PCDHGA7: variants seen among roughly 807,000 people sequenced by gnomAD.
The protein encoded by PCDHGA7 is protocadherin gamma subfamily A, 7.
A neutral mutation model predicts 58.3 loss-of-function variants in PCDHGA7; 44 were observed. That is an observed-to-expected ratio of 0.75 (90% CI 0.59 to 0.97). The LOEUF is 0.97. PCDHGA7 is among the 50% of genes least tolerant of loss of function. The probability of loss-of-function intolerance (pLI) is 0.00; values close to 1 mark genes in which losing one functional copy is unlikely to be tolerated. For missense variants in PCDHGA7, 1,266 were observed against 1,188.7 expected, an observed-to-expected ratio of 1.06 and a Z score of -0.96; for synonymous variants, 516 against 504.2, an observed-to-expected ratio of 1.02 and a Z score of -0.31.
chr5:141,392,791 G>T, intron 1 of PCDHGA7: 1 of 1,557,836 alleles, frequency 6.4e-7, no homozygotes, highest in Non-Finnish European at 8.7e-7. Flanking sequence ...AAGATTCTGA[G>T]AGGATTCTGC....
In PCDHGA7 at chr5:141,432,598, G is replaced by A; in HGVS notation, c.2424+47275G>A. The A allele has an allele frequency of 6.2e-7, 1 of 1,613,920 alleles. No individual in the cohort carries two copies. The highest frequency in any genetic ancestry group is 8.5e-7 in the Non-Finnish European group (1 of 1,179,972). On this transcript the variant is annotated intron_variant, in intron 1 of 3. Transcript: ENST00000518325. The surrounding 1 kb of genome is among the most constrained non-coding windows in gnomAD (Gnocchi z 6.0). ...CCTACCGTCTGCTCAAGGCCAGCGA[G>A]CCGGGACTCTTCTCGGTGGGTCTGC...
chr5:141,446,222 G>C (rs74509878), intron 1 of PCDHGA7, among the ~76,000 whole-genome samples: 7,034 of 152,204 alleles, frequency 0.046, 244 homozygotes, highest in African/African-American at 0.093. Flanking sequence ...ATATTGTTGT[G>C]TTGCCTGGCA....
At position 141,415,070 on chromosome 5, in the gene PCDHGA7, C is replaced by G. The variant is rs538474552; in HGVS notation, c.2424+29747C>G. ...GGGGAGCACACGGGCGAGGTGCGCACGGCGCGAGCCCTGCTGGACAGAGAC... is the reference window on the plus strand; with the variant it reads ...GGGGAGCACACGGGCGAGGTGCGCAGGGCGCGAGCCCTGCTGGACAGAGAC... On this transcript the variant is annotated intron_variant, in intron 1 of 3. Coordinates refer to ENST00000518325, the MANE Select transcript of PCDHGA7 (RefSeq NM_018920.4). 26 of 1,613,284 alleles carry G rather than the reference C, an allele frequency of 1.6e-5. No homozygotes were observed. The Middle Eastern group carries it at 1.5e-3, about 92-fold the overall frequency.
rs2099417733 is a variant in PCDHGA7, at chr5:141,477,771, G to C, written c.2425-17036G>C. ...ACCCCGGTCCTAGCCACCAACATCAGCGTGAACATATTTGTCACTGATCGC... is the reference window on the plus strand; with the variant it reads ...ACCCCGGTCCTAGCCACCAACATCACCGTGAACATATTTGTCACTGATCGC... On this transcript the variant is annotated intron_variant, in intron 1 of 3. Transcript: ENST00000518325. This position sits in a 1 kb window ranked among gnomAD's most constrained non-coding sequence, Gnocchi z 4.9. 3 of 1,613,992 alleles carry C rather than the reference G, an allele frequency of 1.9e-6. No homozygotes were observed. The highest frequency in any genetic ancestry group is 3.3e-4 in the Middle Eastern group (2 of 6,062).
chr5:141,414,789 C>T, intron 1 of PCDHGA7: 1 of 1,614,218 alleles, frequency 6.2e-7, no homozygotes, highest in East Asian at 2.2e-5. Context: ...AGGTGACAGC[C>T]AGCGACAGCG....
chr5:141,394,808 T>G lies in PCDHGA7; in HGVS notation c.2424+9485T>G, dbSNP rs534137630. The G allele has an allele frequency of 9.9e-6, 16 of 1,613,872 alleles. No individual in the cohort carries two copies. The East Asian group carries it at 3.6e-4, about 36-fold the overall frequency. On this transcript the variant is annotated intron_variant, in intron 1 of 3. Coordinates refer to ENST00000518325, the MANE Select transcript of PCDHGA7 (RefSeq NM_018920.4). ...CTGTCACGCTCACCGTAGCCGTGGC[T>G]GACAGCATCCCCGAAGTCCTGACCG...
In PCDHGA7 at chr5:141,505,414, C is replaced by T. The variant is rs373956550; in HGVS notation, c.2505C>T (p.Thr835=). The T allele has an allele frequency of 3.0e-5, 48 of 1,614,046 alleles. No homozygotes were observed. In the African/African-American group the frequency reaches 3.1e-4, roughly 10 times the overall value. The change falls in exon 3 of 4, where the codon ACC becomes ACT. Residue 835 remains threonine (T), a synonymous_variant. Transcript: ENST00000518325. ...CCAGCTCCCAAAATGGCGATGACACCGGCACCTGGCCCAACAACCAGTTTG... is the reference window on the plus strand; with the variant it reads ...CCAGCTCCCAAAATGGCGATGACACTGGCACCTGGCCCAACAACCAGTTTG... ...GTSGSQNGDD[T]GTWPNNQFDT...
rs369406530 is a variant in PCDHGA7, at chr5:141,393,504, A to C, written c.2424+8181A>C. On this transcript the variant is annotated intron_variant, in intron 1 of 3. Transcript: ENST00000518325. ...CTCTAGCACAGTGCGCATCCACGTG[A>C]CAGTGTTGGATACAAATGACAATGC... 16 of 1,613,918 alleles carry C rather than the reference A, an allele frequency of 9.9e-6. No individual in the cohort carries two copies. In the African/African-American group the frequency reaches 2.0e-4, roughly 20 times the overall value.
chr5:141,414,990 C>A (rs1442265707), intron 1 of PCDHGA7: 5 of 1,613,794 alleles, frequency 3.1e-6, no homozygotes, highest in Admixed American at 1.7e-5. Context: ...CCGGCCAGAA[C>A]GCCTGGCTGT....
At chr5:141,503,736 T>C (rs1381045077) in intron 2 of PCDHGA7, among the ~76,000 whole-genome samples, 4 of 152,202 alleles carry the variant, frequency 2.6e-5, no homozygotes, top group African/African-American at 9.6e-5. Context: ...TTTGTTGTGA[T>C]GGTATAGAGG....
intron 1 of PCDHGA7, among the ~76,000 whole-genome samples, chr5:141,450,826 A>T (rs965147554): frequency 1.9e-4 from 26 of 134,356 alleles, no homozygotes; most frequent in East Asian, 6.4e-4. Context: ...TATTATTATT[A>T]TTATTTTTTT....
rs1167823249 is a variant in PCDHGA7, at chr5:141,383,914, G to C, written c.1015G>C (p.Asp339His). Residue 339 changes from aspartate to histidine, a missense_variant, in exon 1 of 4, where the codon GAT (aspartate) becomes CAT (histidine). Asp to His is a moderately conservative substitution (Grantham distance 81, BLOSUM62 -1). Transcript: ENST00000518325. Reference protein sequence around the residue: ...TKAKVLITVLDVNDNAPEVTM... With the variant: ...TKAKVLITVLHVNDNAPEVTM... ...GGCAAAAGTACTGATCACAGTTTTA[G>C]ATGTAAATGATAATGCTCCAGAAGT... The C allele has an allele frequency of 5.6e-6, 9 of 1,613,960 alleles. No homozygotes were observed. Among genetic ancestry groups the C allele is most frequent in the Non-Finnish European group, 6.8e-6 (8 of 1,179,880 alleles).
At chr5:141,422,664 C>T (rs2096662670) in intron 1 of PCDHGA7, 4 of 1,608,458 alleles carry the variant, frequency 2.5e-6, no homozygotes, top group Non-Finnish European at 3.4e-6. Flanking sequence ...CCGCCCTCGA[C>T]CCGGACAGCA....
chr5:141,419,316 G>C (rs775328616), intron 1 of PCDHGA7: 2 of 1,613,876 alleles, frequency 1.2e-6, no homozygotes, highest in African/African-American at 1.3e-5. Flanking sequence ...CTCAACGGCC[G>C]TGTCTCCTAC....
At position 141,383,731 on chromosome 5, in the gene PCDHGA7, A is replaced by C. The variant is rs373290954; in HGVS notation, c.832A>C (p.Thr278Pro). The C allele has an allele frequency of 2.5e-6, 4 of 1,613,882 alleles. No homozygotes were observed. Among genetic ancestry groups the C allele is most frequent in the Non-Finnish European group, 3.4e-6 (4 of 1,179,890 alleles). Reference protein sequence around the residue: ...DLDEGVNGEVTYSFRKITPKL... With the variant: ...DLDEGVNGEVPYSFRKITPKL... ...GGACGAGGGAGTCAATGGGGAAGTGACATATTCTTTTCGGAAAATAACTCC... is the reference window on the plus strand; with the variant it reads ...GGACGAGGGAGTCAATGGGGAAGTGCCATATTCTTTTCGGAAAATAACTCC... Residue 278 changes from threonine (T) to proline (P), a missense_variant, in exon 1 of 4, where the codon ACA becomes CCA. Thr to Pro is a conservative substitution (Grantham distance 38). Transcript: ENST00000518325.
intron 1 of PCDHGA7, chr5:141,398,034 A>G: frequency 6.8e-7 from 1 of 1,475,238 alleles, no homozygotes; most frequent in South Asian, 1.4e-5. Context: ...AACTGGAACT[A>G]AAGCCCGTTC....
intron 1 of PCDHGA7, among the ~76,000 whole-genome samples, chr5:141,464,525 A>G (rs919668801): frequency 3.3e-5 from 5 of 152,064 alleles, no homozygotes; most frequent in Non-Finnish European, 5.9e-5. Context: ...AGGCATATGT[A>G]GTTTTGTTAA....
intron 1 of PCDHGA7, among the ~76,000 whole-genome samples, chr5:141,406,450 G>T (rs2094811564): frequency 6.6e-6 from 1 of 152,194 alleles, no homozygotes; most frequent in South Asian, 2.1e-4. Flanking sequence ...CCATTTCTAT[G>T]ACAGGAAAAC....
rs1361609314 is a variant in PCDHGA7 at position 141,423,642 on chromosome 5, TGACCC to T, written c.2424+38323_2424+38327del. 6 of 1,596,888 alleles carry T rather than the reference TGACCC, an allele frequency of 3.8e-6. No individual in the cohort carries two copies. In the South Asian group the frequency reaches 5.7e-5, roughly 15 times the overall value. ...ACTCAGCTATCATTTTAGGCAAATGTGACCCGACAAGTAATCAGGTGAGATTTATT... is the reference window on the plus strand; with the variant it reads ...ACTCAGCTATCATTTTAGGCAAATGTGACAAGTAATCAGGTGAGATTTATT... On this transcript the variant is annotated intron_variant, in intron 1 of 3. Transcript: ENST00000518325.
Sources: allele counts gnomAD v4.1 joint callset (sites outside exome capture counted in the v4.1 genomes callset), GRCh38; gene constraint gnomAD v4.1.1; non-coding constraint Gnocchi (gnomAD v3.1); transcripts MANE v1.5; gene names NCBI Gene and HGNC (gene_info 2026-07-23, HGNC 2026-07-21).